Variants in GLI2 observed in about 807,000 individuals in gnomAD.
The protein encoded by GLI2 is GLI family zinc finger 2, also known as transcription activator GLI2.
GLI2 carries 22 observed loss-of-function variants against 78.9 expected under a neutral mutation model. That is an observed-to-expected ratio of 0.28 (90% CI 0.20 to 0.40). The LOEUF is 0.40. Among genes scored for constraint, GLI2 ranks in the 10% least tolerant of loss-of-function variants. The probability of loss-of-function intolerance (pLI) is 1.00; values close to 1 mark genes in which losing one functional copy is unlikely to be tolerated. For missense variants in GLI2, 2,097 were observed against 2,213.2 expected, an observed-to-expected ratio of 0.95 and a Z score of 1.05; for synonymous variants, 974 against 963.7, an observed-to-expected ratio of 1.01 and a Z score of -0.20.
chr2:120,938,147 G>T (rs768610777), intron 3 of GLI2, among the ~76,000 whole-genome samples: 4 of 152,114 alleles, frequency 2.6e-5, no homozygotes, highest in Non-Finnish European at 5.9e-5. Flanking sequence ...CAGTTCACCT[G>T]GAGAGGGCCT....
At chr2:120,743,695 C>T (rs1043515123) in intron 1 of GLI2, among the ~76,000 whole-genome samples, 3 of 152,296 alleles carry the variant, frequency 2.0e-5, no homozygotes, top group African/African-American at 7.2e-5. Context: ...GACTGGGAGA[C>T]CCAGTCACTC....
At chr2:120,911,786 T>C (rs1220348451) in intron 2 of GLI2, among the ~76,000 whole-genome samples, 1 of 151,582 alleles carries the variant, frequency 6.6e-6, no homozygotes, top group Non-Finnish European at 1.5e-5. Flanking sequence ...TGGACTGGGG[T>C]TGCTGAGGGC....
chr2:120,796,693 C>A (rs1684412175), intron 1 of GLI2, among the ~76,000 whole-genome samples: 1 of 152,208 alleles, frequency 6.6e-6, no homozygotes, highest in Non-Finnish European at 1.5e-5. Context: ...CCCTTGTTTG[C>A]CCCCAAGGAG....
chr2:120,951,370 C>T lies in GLI2; in HGVS notation c.382C>T (p.His128Tyr), dbSNP rs895231080. The T allele has an allele frequency of 1.2e-6, 2 of 1,610,774 alleles. No individual in the cohort carries two copies. The highest frequency in any genetic ancestry group is 1.7e-6 in the Non-Finnish European group (2 of 1,177,016). The change falls in exon 4 of 14, where the codon CAC becomes TAC. Residue 128 changes from histidine (H) to tyrosine (Y), a missense_variant. Physicochemically the swap from His to Tyr is moderately conservative, Grantham distance 83 (BLOSUM62 2). Coordinates refer to ENST00000361492, the MANE Select transcript of GLI2 (RefSeq NM_001374353.1). ...PHPYVNPHMEHYLRSVHSSPT... is the reference protein window; with the variant it reads ...PHPYVNPHMEYYLRSVHSSPT... ...CCCGTACGTGAACCCCCACATGGAG[C>T]ACTACCTCCGTTCTGTGCACAGCAG...
At chr2:120,881,806 G>GA (rs1677163763) in intron 2 of GLI2, among the ~76,000 whole-genome samples, 1 of 36,452 alleles carries the variant, frequency 2.7e-5, no homozygotes, top group African/African-American at 1.2e-4. Context: ...GAAGACAGTG[G>GA]GGGAGAACAG....
intron 4 of GLI2, 133 bp downstream of exon 4, chr2:120,951,578 T>A (rs1680997320): frequency 3.3e-6 from 2 of 614,072 alleles, no homozygotes; most frequent in Admixed American, 6.2e-5. Context: ...CTGGCGTTCC[T>A]TCACACTACT....
chr2:120,752,650 A>T (rs1358095683), intron 1 of GLI2, among the ~76,000 whole-genome samples: 1 of 152,260 alleles, frequency 6.6e-6, no homozygotes, highest in Non-Finnish European at 1.5e-5. Flanking sequence ...CATGAAGGTT[A>T]TACATACATT....
chr2:120,825,635 C>T (rs1021819066), intron 2 of GLI2, among the ~76,000 whole-genome samples: 2 of 151,292 alleles, frequency 1.3e-5, no homozygotes, highest in Admixed American at 6.6e-5. Context: ...TGACTGTGAG[C>T]GTGCACCGGA....
Position 120,973,946 on chromosome 2 carries a change from A to G in GLI2, c.1183-1029A>G, listed in dbSNP as rs188661785. ...GACTGAAATTGTGACCTGGGCAGCT[A>G]TGGTACCACTCATTGAGTCCCCGGA... is the stretch of plus-strand genomic sequence containing the variant. On this transcript the variant is annotated intron_variant, in intron 8 of 13. Transcript: ENST00000361492. Among the ~76,000 whole-genome samples the G allele has an allele frequency of 2.4e-4, 37 of 152,236 alleles. No homozygotes were observed. The East Asian group carries it at 6.8e-3, about 28-fold the overall frequency.
At chr2:120,908,737 T>C (rs929338994) in intron 2 of GLI2, among the ~76,000 whole-genome samples, 1 of 152,222 alleles carries the variant, frequency 6.6e-6, no homozygotes, top group South Asian at 2.1e-4. Flanking sequence ...ACCAATGTTA[T>C]GGGAACAGCT....
intron 2 of GLI2, among the ~76,000 whole-genome samples, chr2:120,864,868 C>G (rs532668210): frequency 2.0e-4 from 30 of 152,322 alleles, no homozygotes; most frequent in African/African-American, 6.5e-4. Flanking sequence ...TCAGAATCAT[C>G]ACTGCCTATG....
chr2:120,887,409 G>T (rs1268718491), intron 2 of GLI2, among the ~76,000 whole-genome samples: 1 of 152,228 alleles, frequency 6.6e-6, no homozygotes, highest in Non-Finnish European at 1.5e-5. Context: ...TCTTTTCCTT[G>T]CTGGGCTGCG....
chr2:120,777,972 G>T (rs1469932284), intron 1 of GLI2, among the ~76,000 whole-genome samples: 1 of 152,214 alleles, frequency 6.6e-6, no homozygotes, highest in East Asian at 1.9e-4. Flanking sequence ...GCCATGGGGG[G>T]CAGGCAGCCC....
intron 1 of GLI2, among the ~76,000 whole-genome samples, chr2:120,749,189 A>G (rs1398311666): frequency 6.6e-6 from 1 of 152,202 alleles, no homozygotes; most frequent in South Asian, 2.1e-4. Context: ...TGTGCTTAAC[A>G]CGTGTTTGTT....
chr2:120,989,456 G>A lies in GLI2; in HGVS notation c.3491G>A (p.Gly1164Asp). The A allele has an allele frequency of 6.2e-7, 1 of 1,613,120 alleles. No homozygotes were observed. The highest frequency in any genetic ancestry group is 8.5e-7 in the Non-Finnish European group (1 of 1,179,990). Residue 1164 changes from glycine to aspartate, a missense_variant, in exon 14 of 14, where the codon GGC (glycine) becomes GAC (aspartate). By Grantham distance (94) the Gly-to-Asp change is moderately conservative. This residue lies in a region of GLI2 where 1,290 missense variants were observed against 1,261.7 expected (regional missense o/e 1.02). Transcript: ENST00000361492. ...LAVVQQKPAF[G>D]QYPGYSPQGL... Reference sequence around the variant, plus strand: ...GTGGTGCAGCAGAAGCCTGCCTTTGGCCAGTACCCGGGCTACAGTCCGCAA... The same window carrying A: ...GTGGTGCAGCAGAAGCCTGCCTTTGACCAGTACCCGGGCTACAGTCCGCAA...
At chr2:120,866,345 C>T (rs1688133782) in intron 2 of GLI2, 1 of 152,306 alleles carries the variant, frequency 6.6e-6, no homozygotes, top group South Asian at 2.1e-4. Flanking sequence ...CAGGGCCCTT[C>T]CTCCCATCCT....
rs1316932998 is a variant in GLI2 at position 120,800,708 on chromosome 2, G to A, written c.148+3240G>A. On this transcript the variant is annotated intron_variant, in intron 2 of 13. Coordinates refer to ENST00000361492, the MANE Select transcript of GLI2 (RefSeq NM_001374353.1). The surrounding 1 kb of genome is among the most constrained non-coding windows in gnomAD (Gnocchi z 4.1). ...TTTTTAGTAGAGATGGGGTTTCACTGTGTTAGCCAGGATGGTCTCAATCTC... is the reference window on the plus strand; with the variant it reads ...TTTTTAGTAGAGATGGGGTTTCACTATGTTAGCCAGGATGGTCTCAATCTC... 6.6e-6 allele frequency among the ~76,000 whole-genome samples: 1 copy of A among 151,922 alleles called. No homozygotes were observed. The highest frequency in any genetic ancestry group is 1.9e-4 in the East Asian group (1 of 5,138).
intron 1 of GLI2, among the ~76,000 whole-genome samples, chr2:120,783,359 C>A (rs1338550979): frequency 5.3e-5 from 8 of 152,124 alleles, no homozygotes; most frequent in Admixed American, 3.9e-4. Context: ...GAGCCAAGCC[C>A]ACCTGTGGCA....
intron 2 of GLI2, 83 bp from the exon 3 acceptor site, chr2:120,927,278 T>G: frequency 1.0e-6 from 1 of 994,762 alleles, no homozygotes; most frequent in Non-Finnish European, 1.6e-6. Flanking sequence ...ATGAAATTCA[T>G]TGAGCTTTAA....
Sources: allele counts gnomAD v4.1 joint callset (sites outside exome capture counted in the v4.1 genomes callset), GRCh38; gene constraint gnomAD v4.1.1; regional missense constraint gnomAD v4.1.1; non-coding constraint Gnocchi (gnomAD v3.1); transcripts MANE v1.5; gene names NCBI Gene and HGNC (gene_info 2026-07-23, HGNC 2026-07-21).